The following RRP8 variants were observed in gnomAD, a reference collection of about 807,000 sequenced individuals.
The protein encoded by RRP8 is ribosomal RNA processing 8, also known as ribosomal RNA-processing protein 8.
In RRP8, 48 loss-of-function variants were observed where a neutral mutation model predicts 45.0. That is an observed-to-expected ratio of 1.07 (90% CI 0.85 to 1.36). The LOEUF is 1.36. RRP8 is among the 40% of genes most tolerant of loss of function. The pLI is 0.00. For missense variants in RRP8, 658 were observed against 573.7 expected (o/e 1.15, Z -1.50); for synonymous variants, 274 against 212.4 (o/e 1.29, Z -2.52).
intron 6 of RRP8, 23 bp from the exon 7 acceptor site, chr11:6,600,288 G>T: frequency 6.6e-7 from 1 of 1,504,728 alleles, no homozygotes; most frequent in South Asian, 1.2e-5. Flanking sequence ...AAGACCCAGT[G>T]AGAACCAAAT....
In RRP8 at chr11:6,601,562, T is replaced by C. The variant is rs761143599; in HGVS notation, c.504A>G (p.Pro168=). 1 of 1,604,762 alleles carries C rather than the reference T, an allele frequency of 6.2e-7. No homozygotes were observed. The highest frequency in any genetic ancestry group is 8.5e-7 in the Non-Finnish European group (1 of 1,179,956). ...GGGAAGTGGACCCAGGGCTTTGCTT[T>C]GGTGGATCATTTGTAGTACTACCCT... ...AWKGSTTNDP[P]KQSPGSTSPK... is the part of the protein sequence containing the mutation. The change falls in exon 3 of 7, where the codon CCA becomes CCG. Residue 168 remains proline, a synonymous_variant. Transcript: ENST00000254605.
rs370681482 is a variant in RRP8, at chr11:6,601,063, T to C, written c.918-8A>G. 2.5e-6 allele frequency: 4 copies of C among 1,613,568 alleles called. No individual in the cohort carries two copies. The highest frequency in any genetic ancestry group is 1.3e-5 in the African/African-American group (1 of 74,746). Reference sequence around the variant, plus strand: ...ACCACTAGGGATGCAGGCCTGAGAGTGGAAGGCAAGGGTCACATATTGGTC... The same window carrying C: ...ACCACTAGGGATGCAGGCCTGAGAGCGGAAGGCAAGGGTCACATATTGGTC... On this transcript the variant is annotated splice_region_variant and splice_polypyrimidine_tract_variant and intron_variant, in intron 3 of 6. Coordinates refer to ENST00000254605, the MANE Select transcript of RRP8 (RefSeq NM_015324.4).
At chr11:6,601,709 C>G in intron 2 of RRP8, 107 bp from the exon 3 acceptor site, 1 of 1,482,494 alleles carries the variant, frequency 6.7e-7, no homozygotes, top group Non-Finnish European at 9.0e-7. Context: ...GTGACTGTGG[C>G]CTGCAGAGAA....
rs1388396484 is a variant in RRP8 at position 6,601,312 on chromosome 11, G to A, written c.754C>T (p.Arg252Cys). 6.2e-6 allele frequency: 10 copies of A among 1,613,586 alleles called. No homozygotes were observed. The highest frequency in any genetic ancestry group is 8.5e-6 in the Non-Finnish European group (10 of 1,179,806). ...MAQRLDGARF[R>C]YLNEQLYSGP... ...GAGTACAACTGTTCATTGAGGTAGC[G>A]AAATCGGGCCCCATCCAGCCGCTGT... The change falls in exon 3 of 7, where the codon CGC becomes TGC. Residue 252 changes from arginine to cysteine, a missense_variant. Arg to Cys is a radical substitution (Grantham distance 180). Transcript: ENST00000254605.
chr11:6,601,370 C>T lies in RRP8; in HGVS notation c.696G>A (p.Glu232=), dbSNP rs1173779718. Residue 232 remains glutamate, a synonymous_variant, in exon 3 of 7, where the codon GAG becomes GAA. Transcript: ENST00000254605. ...GGGCTCGCAAAGCCCCTGCCCGAGC[C>T]TCATGGCTGTCTGTCCTGGGAACAG... is the stretch of plus-strand genomic sequence containing the variant. ...VSPVPRTDSH[E]ARAGALRARM... 1 of 1,614,158 alleles carries T rather than the reference C, an allele frequency of 6.2e-7. No homozygotes were observed. The highest frequency in any genetic ancestry group is 1.7e-5 in the Admixed American group (1 of 60,030).
intron 2 of RRP8, 59 bp downstream of exon 2, chr11:6,601,793 C>A: frequency 6.6e-7 from 1 of 1,518,908 alleles, no homozygotes; most frequent in Non-Finnish European, 8.8e-7. Flanking sequence ...GTATGTAGAA[C>A]CAGCTGACCC....
intron 1 of RRP8, 38 bp downstream of exon 1, chr11:6,603,366 G>T: frequency 1.4e-6 from 2 of 1,461,484 alleles, no homozygotes; most frequent in Non-Finnish European, 1.9e-6. Context: ...CCGCTTCGCG[G>T]CCTGAAACAG....
rs775768058 is a variant in RRP8, at chr11:6,600,224, C to T, written c.1293G>A (p.Lys431=). The change falls in exon 7 of 7, where the codon AAG becomes AAA. Residue 431 remains lysine, a synonymous_variant. Coordinates refer to ENST00000254605, the MANE Select transcript of RRP8 (RefSeq NM_015324.4). The part of the protein sequence containing the change: ...NSHFFLFDFQ[K]TGPPLVGPKA... ...TGGGCCCTACCAGAGGGGGCCCAGT[C>T]TTTTGGAAATCAAACAAGAAGAAAT... 3 of 1,604,702 alleles carry T rather than the reference C, an allele frequency of 1.9e-6. No individual in the cohort carries two copies. The highest frequency in any genetic ancestry group is 2.5e-6 in the Non-Finnish European group (3 of 1,177,108).
rs1854389049 is a variant in RRP8, at chr11:6,601,905, T to C, written c.410A>G (p.Gln137Arg). The C allele has an allele frequency of 6.2e-7, 1 of 1,614,208 alleles. No homozygotes were observed. The highest frequency in any genetic ancestry group is 8.5e-7 in the Non-Finnish European group (1 of 1,180,020). ...GGCTGAATTTATAGGGGCATGTTTCTGGCATTTCCTCTTTCTTTTCTCATC... is the reference window on the plus strand; with the variant it reads ...GGCTGAATTTATAGGGGCATGTTTCCGGCATTTCCTCTTTCTTTTCTCATC... ...AEDEKRKRKCQKHAPINSAQH... is the reference protein window; with the variant it reads ...AEDEKRKRKCRKHAPINSAQH... Residue 137 changes from glutamine (Q) to arginine (R), a missense_variant, in exon 2 of 7, where the codon CAG (glutamine) becomes CGG (arginine). Transcript: ENST00000254605.
chr11:6,601,379 G>C lies in RRP8; in HGVS notation c.687C>G (p.Asp229Glu). Residue 229 changes from aspartate (D) to glutamate (E), a missense_variant, in exon 3 of 7, where the codon GAC becomes GAG. By Grantham distance (45) the Asp-to-Glu change is conservative. Coordinates refer to ENST00000254605, the MANE Select transcript of RRP8 (RefSeq NM_015324.4). ...KTEVSPVPRTDSHEARAGALR... is the reference protein window; with the variant it reads ...KTEVSPVPRTESHEARAGALR... ...AAGCCCCTGCCCGAGCCTCATGGCT[G>C]TCTGTCCTGGGAACAGGAGACACCT... 1 of 1,614,132 alleles carries C rather than the reference G, an allele frequency of 6.2e-7. No individual in the cohort carries two copies. Among genetic ancestry groups the C allele is most frequent in the African/African-American group, 1.3e-5 (1 of 75,046 alleles).
chr11:6,600,115 T>C lies in RRP8; in HGVS notation c.*31A>G, dbSNP rs770006477. 2 of 1,402,870 alleles carry C rather than the reference T, an allele frequency of 1.4e-6. No individual in the cohort carries two copies. Among genetic ancestry groups the C allele is most frequent in the East Asian group, 4.7e-5 (2 of 42,318 alleles). 86.9% of individuals were successfully genotyped at this position (1,402,870 alleles called of 1,614,324 possible). A position where few individuals can be genotyped will look rare whatever the true frequency, so the allele number is the denominator to read the frequency against. ...ACAGTTCTGAGCCTGGAGTTTGAGATCTGCCTCCCCTTTCAAGGAAGATCC... is the reference window on the plus strand; with the variant it reads ...ACAGTTCTGAGCCTGGAGTTTGAGACCTGCCTCCCCTTTCAAGGAAGATCC... On this transcript the variant is annotated 3_prime_UTR_variant, in exon 7 of 7. Coordinates refer to ENST00000254605, the MANE Select transcript of RRP8 (RefSeq NM_015324.4).
At chr11:6,601,696 A>G in intron 2 of RRP8, 94 bp from the exon 3 acceptor site, 1 of 1,495,474 alleles carries the variant, frequency 6.7e-7, no homozygotes, top group Admixed American at 2.0e-5. Flanking sequence ...TGTCTTTGAG[A>G]TCGTGACTGT....
rs1273616992 is a variant in RRP8, at chr11:6,595,754, T to G, written c.*4392A>C. The G allele has an allele frequency of 6.6e-6, 1 of 152,224 alleles. No homozygotes were observed. Among genetic ancestry groups the G allele is most frequent in the Admixed American group, 6.5e-5 (1 of 15,284 alleles). The allele number at this position is 152,224 out of a possible 1,614,324, so 9.4% of individuals were successfully genotyped here. A position where few individuals can be genotyped will look rare whatever the true frequency, so the allele number is the denominator to read the frequency against. On this transcript the variant is annotated 3_prime_UTR_variant, in exon 7 of 7. Coordinates refer to ENST00000254605, the MANE Select transcript of RRP8 (RefSeq NM_015324.4). ...ACCCTGAAGGAAACAAAGAGGGTACTGTGGTCAAGAGTAAGGTGGACAGGA... is the reference window on the plus strand; with the variant it reads ...ACCCTGAAGGAAACAAAGAGGGTACGGTGGTCAAGAGTAAGGTGGACAGGA...
rs1194065014 is a variant in RRP8, at chr11:6,597,599, A to AAC, written c.*2546_*2547insGT. The AAC allele has an allele frequency of 1.3e-5, 2 of 151,630 alleles. No individual in the cohort carries two copies. The highest frequency in any genetic ancestry group is 2.4e-5 in the African/African-American group (1 of 41,170). The allele number at this position is 151,630 out of a possible 1,614,324, so 9.4% of individuals were successfully genotyped here. A position where few individuals can be genotyped will look rare whatever the true frequency, so the allele number is the denominator to read the frequency against. ...CATCCTCCCATAAAAAAAAAAAAAA[A>AAC]AAAAACACTGGCTGGGCACAGTGGC... On this transcript the variant is annotated 3_prime_UTR_variant, in exon 7 of 7. Transcript: ENST00000254605.
In RRP8 at chr11:6,601,371, T is replaced by C. The variant is rs146897402; in HGVS notation, c.695A>G (p.Glu232Gly). The C allele has an allele frequency of 3.5e-4, 561 of 1,614,168 alleles. 5 individuals are homozygous for C. In the African/African-American group the frequency reaches 6.0e-3, roughly 17 times the overall value. ...GGCTCGCAAAGCCCCTGCCCGAGCCTCATGGCTGTCTGTCCTGGGAACAGG... is the reference window on the plus strand; with the variant it reads ...GGCTCGCAAAGCCCCTGCCCGAGCCCCATGGCTGTCTGTCCTGGGAACAGG... The part of the protein sequence containing the change: ...VSPVPRTDSH[E>G]ARAGALRARM... Residue 232 changes from glutamate to glycine, a missense_variant, in exon 3 of 7, where the codon GAG becomes GGG. Transcript: ENST00000254605.
At chr11:6,601,741 C>T (rs903280439) in intron 2 of RRP8, 111 bp downstream of exon 2, 4 of 1,470,586 alleles carry the variant, frequency 2.7e-6, no homozygotes, top group Admixed American at 4.7e-5. Flanking sequence ...TGCCTGAGTA[C>T]ACCATTAGCC....
intron 6 of RRP8, 97 bp downstream of exon 6, chr11:6,600,389 T>C (rs1197802827): frequency 2.2e-6 from 3 of 1,350,976 alleles, no homozygotes; most frequent in Non-Finnish European, 3.1e-6. Flanking sequence ...GGGAGCAAAA[T>C]GTCTGTTCCT....
At position 6,602,205 on chromosome 11, in the gene RRP8, C is replaced by T. The variant is rs371531443; in HGVS notation, c.110G>A (p.Arg37His). The T allele has an allele frequency of 3.9e-5, 60 of 1,553,036 alleles. No homozygotes were observed. Among genetic ancestry groups the T allele is most frequent in the African/African-American group, 8.3e-5 (6 of 72,542 alleles). The stretch of plus-strand genomic sequence containing the variant: ...CCGTAATGTGGCCAAGAGCTGGCGG[C>T]GCTTGGAGCCCTGGAGGAAAACAGG... ...AASSQNKGSK[R>H]RQLLATLRAL... The change falls in exon 2 of 7, where the codon CGC becomes CAC. Residue 37 changes from arginine to histidine, a missense_variant. Transcript: ENST00000254605.
rs2134493591 is a variant in RRP8 at position 6,597,005 on chromosome 11, G to C, written c.*3141C>G. ...TATGGAGAAAAGCTGCAGCGAGGTT[G>C]TGATGTTCTTAATAGATAGTCCTGT... On this transcript the variant is annotated 3_prime_UTR_variant, in exon 7 of 7. Transcript: ENST00000254605. 1 of 152,356 alleles carries C rather than the reference G, an allele frequency of 6.6e-6. No homozygotes were observed. The highest frequency in any genetic ancestry group is 2.4e-5 in the African/African-American group (1 of 41,590). The allele number at this position is 152,356 out of a possible 1,614,324, so 9.4% of individuals were successfully genotyped here. A position where few individuals can be genotyped will look rare whatever the true frequency, so the allele number is the denominator to read the frequency against.
Sources: gnomAD v4.1 joint callset for allele counts on GRCh38, gnomAD v4.1.1 for gene constraint, MANE v1.5 for transcripts, NCBI Gene and HGNC (gene_info 2026-07-23, HGNC 2026-07-21) for gene names.